Variants in EML6 observed in about 807,000 individuals in gnomAD.
EML6 encodes the protein EMAP like 6, also known as echinoderm microtubule-associated protein-like 6.
EML6 carries 154 observed loss-of-function variants against 240.1 expected under a neutral mutation model. That is an observed-to-expected ratio of 0.64 (90% CI 0.56 to 0.73). EML6 has a LOEUF of 0.73. Among genes scored for constraint, EML6 ranks in the 30% least tolerant of loss-of-function variants. EML6 has a pLI of 0.00. For synonymous variants in EML6, 1,148 were observed against 899.0 expected (o/e 1.28, Z -4.95); for missense variants, 2,964 against 2,474.6 (o/e 1.20, Z -4.20).
intron 32 of EML6, among the ~76,000 whole-genome samples, chr2:54,954,604 A>T (rs961726914): frequency 2.6e-5 from 4 of 151,140 alleles, no homozygotes; most frequent in African/African-American, 9.7e-5. Context: ...AAACATTTAA[A>T]TTTTTTTTTT....
chr2:54,934,474 C>T (rs545485730), intron 28 of EML6, among the ~76,000 whole-genome samples: 4 of 151,916 alleles, frequency 2.6e-5, no homozygotes, highest in African/African-American at 9.7e-5. Flanking sequence ...ATCTAAATTC[C>T]GTTTTTGTCA....
chr2:54,938,275 A>G (rs1324164627), intron 28 of EML6, among the ~76,000 whole-genome samples: 3 of 152,190 alleles, frequency 2.0e-5, no homozygotes, highest in African/African-American at 7.2e-5. Flanking sequence ...GAATCACTCC[A>G]GCCTGGGCAA....
chr2:54,844,178 G>C lies in EML6; in HGVS notation c.979G>C (p.Glu327Gln), dbSNP rs1162190273. Residue 327 changes from glutamate (E) to glutamine (Q), a missense_variant, in exon 8 of 42, where the codon GAG becomes CAG. By Grantham distance (29) the Glu-to-Gln change is conservative. Coordinates refer to ENST00000356458, the MANE Select transcript of EML6 (RefSeq NM_001039753.4). ...MLILQGHCEG[E>Q]LWALALHPKK... ...GATCCTACAGGGCCACTGCGAGGGT[G>C]AGCTCTGGGCTCTGGCCCTGCACCC... 1 of 1,551,740 alleles carries C rather than the reference G, an allele frequency of 6.4e-7. No homozygotes were observed. The highest frequency in any genetic ancestry group is 1.2e-5 in the South Asian group (1 of 84,060).
intron 2 of EML6, among the ~76,000 whole-genome samples, chr2:54,784,666 CTATGT>C (rs949479525): frequency 1.3e-5 from 2 of 152,036 alleles, no homozygotes; most frequent in Non-Finnish European, 2.9e-5. Context: ...CACATATTTT[CTATGT>C]TATATGTATT....
intron 8 of EML6, among the ~76,000 whole-genome samples, chr2:54,846,961 C>T (rs575870218): frequency 9.8e-4 from 135 of 137,568 alleles, no homozygotes; most frequent in African/African-American, 3.0e-3. Context: ...GCACTGACAC[C>T]CAGGCTGGAG....
At chr2:54,877,332 C>T (rs1273642486) in intron 16 of EML6, among the ~76,000 whole-genome samples, 1 of 152,044 alleles carries the variant, frequency 6.6e-6, no homozygotes, top group Non-Finnish European at 1.5e-5. Flanking sequence ...CAATTTATAC[C>T]ATCCACAGGC....
intron 2 of EML6, among the ~76,000 whole-genome samples, chr2:54,765,492 G>A (rs1043702347): frequency 6.6e-6 from 1 of 152,122 alleles, no homozygotes; most frequent in African/African-American, 2.4e-5. Flanking sequence ...ATGGAGTCTC[G>A]CTTAGTCGCC....
At chr2:54,726,276 C>T (rs1213707610) in intron 2 of EML6, among the ~76,000 whole-genome samples, 1 of 152,186 alleles carries the variant, frequency 6.6e-6, no homozygotes, top group African/African-American at 2.4e-5. Flanking sequence ...TGATGTAGAA[C>T]AACTACCATT....
intron 26 of EML6, among the ~76,000 whole-genome samples, chr2:54,925,095 C>T (rs1455012276): frequency 6.6e-6 from 1 of 152,140 alleles, no homozygotes. Context: ...AGGGAAGTAA[C>T]TAAGATTAAA....
At chr2:54,775,979 A>C (rs1184576758) in intron 2 of EML6, among the ~76,000 whole-genome samples, 1 of 152,142 alleles carries the variant, frequency 6.6e-6, no homozygotes, top group East Asian at 1.9e-4. Context: ...TATTCTTAAG[A>C]TTTGGTTTGC....
At chr2:54,838,607 C>T (rs1572979346) in intron 7 of EML6, among the ~76,000 whole-genome samples, 1 of 152,170 alleles carries the variant, frequency 6.6e-6, no homozygotes, top group African/African-American at 2.4e-5. Flanking sequence ...AGGACTGTAG[C>T]AGAGGGAATT....
chr2:54,875,069 T>G (rs1671436509), intron 16 of EML6, among the ~76,000 whole-genome samples: 1 of 152,110 alleles, frequency 6.6e-6, no homozygotes, highest in South Asian at 2.1e-4. Context: ...CCTGGGACAC[T>G]CAGTGTGCAG....
chr2:54,930,586 T>C lies in EML6; in HGVS notation c.4004+1835T>C, dbSNP rs531273716. Among the ~76,000 whole-genome samples the C allele has an allele frequency of 1.5e-3, 229 of 152,258 alleles. 1 individual carries two copies. The highest frequency in any genetic ancestry group is 2.3e-3 in the Non-Finnish European group (158 of 68,026). ...AATAGGGGTAGGCAGTTCAGTAGTTTACTGGCATTTAAAAAAATTCACACC... is the reference window on the plus strand; with the variant it reads ...AATAGGGGTAGGCAGTTCAGTAGTTCACTGGCATTTAAAAAAATTCACACC... On this transcript the variant is annotated intron_variant, in intron 28 of 41. Transcript: ENST00000356458.
At chr2:54,793,352 T>C (rs925151131) in intron 2 of EML6, among the ~76,000 whole-genome samples, 57 of 147,186 alleles carry the variant, frequency 3.9e-4, no homozygotes, top group Non-Finnish European at 6.5e-4. Context: ...TTTATTTTCC[T>C]GAAGAAGTAT....
At chr2:54,879,759 C>CT (rs1286124847) in intron 17 of EML6, 119 bp downstream of exon 17, 1 of 680,714 alleles carries the variant, frequency 1.5e-6, no homozygotes, top group Non-Finnish European at 2.5e-6. Context: ...ACGTAGAAGG[C>CT]TTAGCACCTA....
chr2:54,937,893 GAATC>G (rs1470373695), intron 28 of EML6, among the ~76,000 whole-genome samples: 7 of 152,274 alleles, frequency 4.6e-5, no homozygotes, highest in African/African-American at 1.7e-4. Context: ...GGGTCAATGA[GAATC>G]AAAGCAAAAC....
chr2:54,916,678 A>G (rs764903831), intron 25 of EML6, 81 bp from the exon 26 acceptor site: 7 of 1,154,528 alleles, frequency 6.1e-6, no homozygotes, highest in Non-Finnish European at 8.3e-6. Context: ...GTAATTTAGA[A>G]TTACTCAGGT....
At chr2:54,950,419 C>T (rs1306832799) in intron 29 of EML6, among the ~76,000 whole-genome samples, 1 of 152,240 alleles carries the variant, frequency 6.6e-6, no homozygotes, top group African/African-American at 2.4e-5. Flanking sequence ...TTTGGAAAGT[C>T]ATGGTGATTC....
At chr2:54,748,260 C>T (rs1684008474) in intron 2 of EML6, 1 of 152,124 alleles carries the variant, frequency 6.6e-6, no homozygotes, top group Non-Finnish European at 1.5e-5. Flanking sequence ...AAAAGATTTG[C>T]CCCAGTACCT....
Sources: gnomAD v4.1 joint callset for allele counts (sites outside exome capture counted in the v4.1 genomes callset) on GRCh38, gnomAD v4.1.1 for gene constraint, MANE v1.5 for transcripts, NCBI Gene and HGNC (gene_info 2026-07-23, HGNC 2026-07-21) for gene names.